DLG2: variants seen among roughly 807,000 people sequenced by gnomAD.
DLG2 encodes the protein disks large homolog 2.
In DLG2, 45 loss-of-function variants were observed where a neutral mutation model predicts 132.5. That is an observed-to-expected ratio of 0.34 (90% CI 0.27 to 0.44). The LOEUF is 0.44. Ranked by LOEUF, DLG2 falls within the 20% of genes least tolerant of loss-of-function variation. The pLI is 1.00. For synonymous variants in DLG2, 424 were observed against 419.6 expected (o/e 1.01, Z -0.13); for missense variants, 1,045 against 1,196.9 (o/e 0.87, Z 1.87).
At chr11:85,263,855 A>G (rs1369513359) in intron 4 of DLG2, among the ~76,000 whole-genome samples, 1 of 152,196 alleles carries the variant, frequency 6.6e-6, no homozygotes. Context: ...AGCTGACATC[A>G]TAGGTGGTAA....
intron 21 of DLG2, among the ~76,000 whole-genome samples, chr11:83,499,895 A>ATATATATCTATC (rs1296866569): frequency 2.6e-5 from 3 of 114,554 alleles, no homozygotes; most frequent in African/African-American, 6.9e-5. Flanking sequence ...ATATATATAT[A>ATATATATCTATC]TATCAGTTCT....
chr11:83,558,584 C>T (rs76410743), intron 19 of DLG2, among the ~76,000 whole-genome samples: 3 of 152,206 alleles, frequency 2.0e-5, no homozygotes, highest in East Asian at 1.9e-4. Flanking sequence ...TTCTCTCTAT[C>T]GTACAAGGTT....
chr11:85,599,359 T>G (rs530079741), intron 2 of DLG2, among the ~76,000 whole-genome samples: 47 of 151,936 alleles, frequency 3.1e-4, no homozygotes, highest in Non-Finnish European at 5.4e-4. Context: ...TCTCTCTCTC[T>G]CTCTCTCTCT....
intron 6 of DLG2, among the ~76,000 whole-genome samples, chr11:84,641,709 G>A (rs983410612): frequency 6.6e-6 from 1 of 152,068 alleles, no homozygotes; most frequent in Non-Finnish European, 1.5e-5. Flanking sequence ...ATTACCTTGG[G>A]CAAGAGCTTA....
chr11:83,765,762 A>C (rs1312093929), intron 18 of DLG2, among the ~76,000 whole-genome samples: 1 of 152,238 alleles, frequency 6.6e-6, no homozygotes, highest in African/African-American at 2.4e-5. Flanking sequence ...TAGGAGGCAC[A>C]ATATATGTAC....
At chr11:85,080,103 C>G (rs2067051546) in intron 6 of DLG2, among the ~76,000 whole-genome samples, 1 of 152,026 alleles carries the variant, frequency 6.6e-6, no homozygotes, top group Non-Finnish European at 1.5e-5. Context: ...CTAATTGTAT[C>G]CCTCAAAATT....
intron 6 of DLG2, among the ~76,000 whole-genome samples, chr11:84,758,226 T>G (rs2067151019): frequency 1.3e-5 from 2 of 152,228 alleles, no homozygotes; most frequent in Admixed American, 1.3e-4. Flanking sequence ...TTTTACTGTG[T>G]GGAGCCATGG....
At chr11:85,449,932 A>T (rs996234838) in intron 3 of DLG2, among the ~76,000 whole-genome samples, 1 of 152,070 alleles carries the variant, frequency 6.6e-6, no homozygotes, top group Non-Finnish European at 1.5e-5. Flanking sequence ...GTTCGAGACC[A>T]GCCTGACCAA....
intron 22 of DLG2, among the ~76,000 whole-genome samples, chr11:83,478,753 A>C (rs1230563786): frequency 6.6e-6 from 1 of 152,038 alleles, no homozygotes; most frequent in Non-Finnish European, 1.5e-5. Flanking sequence ...ACTGGATGGA[A>C]GCACAACACT....
At chr11:84,909,437 C>T (rs965561872) in intron 6 of DLG2, among the ~76,000 whole-genome samples, 2 of 152,070 alleles carry the variant, frequency 1.3e-5, no homozygotes, top group Non-Finnish European at 2.9e-5. Context: ...TGCTAATTTG[C>T]GTTTCTAAGT....
intron 3 of DLG2, among the ~76,000 whole-genome samples, chr11:85,525,835 A>C (rs938576351): frequency 6.6e-6 from 1 of 152,202 alleles, no homozygotes; most frequent in African/African-American, 2.4e-5. Flanking sequence ...AGATCAAGGC[A>C]GTGAGAATTT....
chr11:85,161,520 G>C (rs1383820918), intron 4 of DLG2, among the ~76,000 whole-genome samples: 1 of 152,170 alleles, frequency 6.6e-6, no homozygotes, highest in South Asian at 2.1e-4. Context: ...TATCCTCACT[G>C]GAATAGACAG....
intron 7 of DLG2, among the ~76,000 whole-genome samples, chr11:84,286,624 T>C (rs1368891217): frequency 1.3e-5 from 2 of 152,240 alleles, no homozygotes; most frequent in African/African-American, 4.8e-5. Context: ...TGCACTTCCA[T>C]GTTCCAAGGT....
chr11:85,408,590 C>T (rs1044823758), intron 3 of DLG2, among the ~76,000 whole-genome samples: 2 of 138,770 alleles, frequency 1.4e-5, no homozygotes, highest in African/African-American at 5.4e-5. Flanking sequence ...TGTTCCCCTT[C>T]CTGTGTCCAT....
chr11:83,719,708 C>T (rs1308964614), intron 18 of DLG2, among the ~76,000 whole-genome samples: 1 of 152,182 alleles, frequency 6.6e-6, no homozygotes, highest in East Asian at 1.9e-4. Flanking sequence ...CCCCATTAGG[C>T]CCTACCTCTA....
chr11:84,838,487 C>T (rs113411647), intron 6 of DLG2, among the ~76,000 whole-genome samples: 484 of 151,764 alleles, frequency 3.2e-3, no homozygotes, highest in Non-Finnish European at 5.7e-3. Flanking sequence ...GAAACATATA[C>T]ATTGCTGTTG....
chr11:85,147,874 G>A (rs1204784600), intron 5 of DLG2, among the ~76,000 whole-genome samples: 1 of 152,120 alleles, frequency 6.6e-6, no homozygotes, highest in Non-Finnish European at 1.5e-5. Flanking sequence ...ACATGCATTA[G>A]CTATTTGTCC....
At chr11:83,537,807 C>CAAAAAAA (rs1164386994) in intron 20 of DLG2, among the ~76,000 whole-genome samples, 18 of 18,294 alleles carry the variant, frequency 9.8e-4, no homozygotes, top group Non-Finnish European at 1.3e-3. Context: ...GACTCTGTCT[C>CAAAAAAA]AAAAAAAAAA....
At chr11:84,342,098 C>T (rs1485050840) in intron 7 of DLG2, among the ~76,000 whole-genome samples, 1 of 151,700 alleles carries the variant, frequency 6.6e-6, no homozygotes, top group Non-Finnish European at 1.5e-5. Flanking sequence ...CTATAAGCAC[C>T]CTTGGGCCAG....
Sources: gnomAD v4.1 joint callset for allele counts (sites outside exome capture counted in the v4.1 genomes callset) on GRCh38, gnomAD v4.1.1 for gene constraint, MANE v1.5 for transcripts, NCBI Gene and HGNC (gene_info 2026-07-23, HGNC 2026-07-21) for gene names.